SMARCAL1: variants seen among roughly 807,000 people sequenced by gnomAD.
The protein encoded by SMARCAL1 is SNF2 related chromatin remodeling annealing helicase 1.
Under a neutral mutation model 94.5 loss-of-function variants are expected in SMARCAL1, and 58 were observed. The observed-to-expected ratio is 0.61, with a 90% CI of 0.50 to 0.76. The LOEUF (loss-of-function observed/expected upper bound fraction) is 0.76, where lower values mean the gene tolerates loss of function less well. Ranked by LOEUF, SMARCAL1 falls within the 30% of genes least tolerant of loss-of-function variation. The probability of loss-of-function intolerance (pLI) is 0.00; values close to 1 mark genes in which losing one functional copy is unlikely to be tolerated. For missense variants in SMARCAL1, 1,051 were observed against 1,177.9 expected, an observed-to-expected ratio of 0.89 and a Z score of 1.58; for synonymous variants, 422 against 455.1, an observed-to-expected ratio of 0.93 and a Z score of 0.93.
intron 7 of SMARCAL1, among the ~76,000 whole-genome samples, chr2:216,430,390 C>T (rs1693937235): frequency 1.3e-5 from 2 of 152,180 alleles, no homozygotes; most frequent in African/African-American, 4.8e-5. Context: ...ATCCAAGTCA[C>T]CCTCTTCAGC....
chr2:216,438,529 A>G, intron 10 of SMARCAL1, 44 bp downstream of exon 10: 1 of 1,561,256 alleles, frequency 6.4e-7, no homozygotes, highest in Non-Finnish European at 8.8e-7. Context: ...TTGGCATCCC[A>G]TAATATTTTG....
intron 10 of SMARCAL1, among the ~76,000 whole-genome samples, chr2:216,445,360 T>C (rs1694286654): frequency 6.6e-6 from 1 of 152,170 alleles, no homozygotes; most frequent in Non-Finnish European, 1.5e-5. Flanking sequence ...ATGCTGCCTC[T>C]GCCTTTTTGA....
Position 216,415,335 on chromosome 2 carries a change from T to A in SMARCAL1, c.631T>A (p.Ser211Thr). ...GAACATTTCTTACATCCATTCTAGCTCAGAGAGTGTAACGCCCAGGACAGA... is the reference window on the plus strand; with the variant it reads ...GAACATTTCTTACATCCATTCTAGCACAGAGAGTGTAACGCCCAGGACAGA... The part of the protein sequence containing the change: ...GQNISYIHSS[S>T]ESVTPRTEGR... The change falls in exon 3 of 18, where the codon TCA becomes ACA. Residue 211 changes from serine (S) to threonine (T), a missense_variant. Physicochemically the swap from Ser to Thr is moderately conservative, Grantham distance 58. Around this residue, in one of 3 missense-constraint regions of SMARCAL1, gnomAD observed 398 missense variants for 395.2 expected, o/e 1.01. Transcript: ENST00000357276. 2 of 1,614,220 alleles carry A rather than the reference T, an allele frequency of 1.2e-6. No homozygotes were observed. The highest frequency in any genetic ancestry group is 1.7e-6 in the Non-Finnish European group (2 of 1,180,032).
rs1559128300 is a variant in SMARCAL1, at chr2:216,438,493, C to T, written c.1710+8C>T. On this transcript the variant is annotated splice_region_variant and intron_variant, in intron 10 of 17. Transcript: ENST00000357276. ...GCTATGCCGGTCCTAAAGGTGAGTA[C>T]TTCTGAGAACTGAGCCCACTGAGCA... is the stretch of plus-strand genomic sequence containing the variant. 1.9e-6 allele frequency: 3 copies of T among 1,612,478 alleles called. No homozygotes were observed. Among genetic ancestry groups the T allele is most frequent in the Non-Finnish European group, 2.5e-6 (3 of 1,178,760 alleles).
chr2:216,426,855 G>A (rs1054453538), intron 6 of SMARCAL1, among the ~76,000 whole-genome samples: 5 of 152,180 alleles, frequency 3.3e-5, no homozygotes, highest in Non-Finnish European at 7.3e-5. Flanking sequence ...AAATTAGATC[G>A]ATGACCCTGA....
rs2106077144 is a variant in SMARCAL1 at position 216,467,954 on chromosome 2, T to G, written c.2152T>G (p.Leu718Val). Residue 718 changes from leucine to valine, a missense_variant, in exon 14 of 18, where the codon TTG becomes GTG. Physicochemically the swap from Leu to Val is conservative, Grantham distance 32. Transcript: ENST00000357276. ...CATTGTCAAATGCAGTGAATATATC[T>G]TGGACCTACTGGAAAGTGGAAGAGA... ...AKIPSVIEYI[L>V]DLLESGREKF... 6.2e-7 allele frequency: 1 copy of G among 1,606,520 alleles called. No individual in the cohort carries two copies. The highest frequency in any genetic ancestry group is 2.2e-5 in the East Asian group (1 of 44,826).
At chr2:216,437,785 C>CTATATATA (rs3836032) in intron 9 of SMARCAL1, among the ~76,000 whole-genome samples, 2,299 of 150,746 alleles carry the variant, frequency 0.015, 67 homozygotes, top group African/African-American at 0.052. Flanking sequence ...GAAAAACAAA[C>CTATATATA]TATATATATA....
At chr2:216,472,114 G>A (rs941451385) in intron 14 of SMARCAL1, among the ~76,000 whole-genome samples, 3 of 152,152 alleles carry the variant, frequency 2.0e-5, no homozygotes, top group Non-Finnish European at 2.9e-5. Context: ...CAGCACTTTG[G>A]GAGACTGAGG....
At chr2:216,434,355 AATATCGAC>A in intron 8 of SMARCAL1, among the ~76,000 whole-genome samples, 1 of 152,280 alleles carries the variant, frequency 6.6e-6, no homozygotes, top group South Asian at 2.1e-4. Context: ...GATTTGTAGA[AATATCGAC>A]ATAAGTAGTC....
intron 17 of SMARCAL1, among the ~76,000 whole-genome samples, chr2:216,480,833 C>T (rs999788447): frequency 6.6e-6 from 1 of 152,080 alleles, no homozygotes; most frequent in African/African-American, 2.4e-5. Context: ...GTAGGGACAG[C>T]GGAGCCCAAA....
At chr2:216,447,634 G>A (rs1304532120) in intron 11 of SMARCAL1, among the ~76,000 whole-genome samples, 1 of 150,868 alleles carries the variant, frequency 6.6e-6, no homozygotes, top group African/African-American at 2.4e-5. Flanking sequence ...GGCATGGGAG[G>A]AATATGAAGT....
Position 216,474,128 on chromosome 2 carries a change from C to CTTTTTTTTTTT in SMARCAL1, c.2245-1122_2245-1112dup, listed in dbSNP as rs1182416023. ...ATTTATATAACATTTGTATAGCATT[C>CTTTTTTTTTTT]TTTTTTTTTTTTTTTTTTTTTTTTT... On this transcript the variant is annotated intron_variant, in intron 14 of 17. Transcript: ENST00000357276. Among the ~76,000 whole-genome samples, 67 of 64,924 alleles carry CTTTTTTTTTTT rather than the reference C, an allele frequency of 1.0e-3. 5 individuals carry two copies. Among genetic ancestry groups the CTTTTTTTTTTT allele is most frequent in the African/African-American group, 3.8e-3 (66 of 17,186 alleles). The allele number at this position is 64,924 out of a possible 152,430, so 42.6% of individuals were successfully genotyped here.
chr2:216,478,235 C>G lies in SMARCAL1; in HGVS notation c.2561C>G (p.Ala854Gly). Residue 854 changes from alanine to glycine, a missense_variant, in exon 17 of 18, where the codon GCA (alanine) becomes GGA (glycine). Ala to Gly is a moderately conservative substitution (Grantham distance 60, BLOSUM62 0). Transcript: ENST00000357276. Reference sequence around the variant, plus strand: ...ATTCAAGAGAAGATTAAAGTTCTGGCAGAAGCCGGGCTTTCTGAGACCAAT... The same window carrying G: ...ATTCAAGAGAAGATTAAAGTTCTGGGAGAAGCCGGGCTTTCTGAGACCAAT... ...PLIQEKIKVL[A>G]EAGLSETNFS... is the part of the protein sequence containing the mutation. 6.2e-7 allele frequency: 1 copy of G among 1,614,170 alleles called. No homozygotes were observed. Among genetic ancestry groups the G allele is most frequent in the African/African-American group, 1.3e-5 (1 of 75,044 alleles).
chr2:216,445,594 G>C (rs1361928262), intron 10 of SMARCAL1, among the ~76,000 whole-genome samples: 1 of 132,014 alleles, frequency 7.6e-6, no homozygotes, highest in East Asian at 2.2e-4. Flanking sequence ...TTCTCTTTTT[G>C]ATAAAACTTT....
intron 7 of SMARCAL1, among the ~76,000 whole-genome samples, chr2:216,429,227 T>G (rs1430003540): frequency 1.3e-5 from 2 of 152,174 alleles, no homozygotes; most frequent in Admixed American, 6.5e-5. Context: ...GAAGCACCAT[T>G]TTTCTAATGG....
intron 5 of SMARCAL1, among the ~76,000 whole-genome samples, chr2:216,421,921 T>C (rs1373195519): frequency 6.6e-6 from 1 of 152,174 alleles, no homozygotes; most frequent in Non-Finnish European, 1.5e-5. Flanking sequence ...TGCTACGTCA[T>C]CATCCTTAGA....
At chr2:216,446,667 G>C (rs909899353) in intron 10 of SMARCAL1, 1 of 474,580 alleles carries the variant, frequency 2.1e-6, no homozygotes, top group African/African-American at 2.0e-5. Context: ...TGCAGCATAC[G>C]GTGAACATTT....
At chr2:216,420,664 T>C (rs1693700194) in intron 5 of SMARCAL1, 132 bp downstream of exon 5, 2 of 746,306 alleles carry the variant, frequency 2.7e-6, no homozygotes, top group Non-Finnish European at 4.7e-6. Flanking sequence ...CTCCTCTTCC[T>C]ATAGAAAGAT....
chr2:216,424,357 A>C (rs1161298805), intron 6 of SMARCAL1, among the ~76,000 whole-genome samples: 2 of 152,256 alleles, frequency 1.3e-5, no homozygotes, highest in Non-Finnish European at 2.9e-5. Flanking sequence ...ACTGTACCAG[A>C]ATACCAGTCC....
Sources: allele counts gnomAD v4.1 joint callset (sites outside exome capture counted in the v4.1 genomes callset), GRCh38; gene constraint gnomAD v4.1.1; regional missense constraint gnomAD v4.1.1; transcripts MANE v1.5; gene names NCBI Gene and HGNC (gene_info 2026-07-23, HGNC 2026-07-21).